The following PPP2R3B variants were observed in gnomAD, a reference collection of about 807,000 sequenced individuals.
PPP2R3B encodes the protein protein phosphatase 2 regulatory subunit B''beta.
Under a neutral mutation model 72.9 loss-of-function variants are expected in PPP2R3B, and 68 were observed. The observed-to-expected ratio is 0.93, with a 90% CI of 0.77 to 1.14. The LOEUF (loss-of-function observed/expected upper bound fraction) is 1.14, where lower values mean the gene tolerates loss of function less well. PPP2R3B is among the 50% of genes most tolerant of loss of function. The probability of loss-of-function intolerance (pLI) is 0.00; values close to 1 mark genes in which losing one functional copy is unlikely to be tolerated. For missense variants in PPP2R3B, 1,018 were observed against 842.0 expected (o/e 1.21, Z -2.59); for synonymous variants, 466 against 375.8 (o/e 1.24, Z -2.78).
At chrX:342,298 AGTGAGACCTCAGCAACGGGAGGCG>A (rs2071098489) in intron 7 of PPP2R3B, 2 of 339,514 alleles carry the variant, frequency 5.9e-6, no homozygotes, top group Non-Finnish European at 1.1e-5. Flanking sequence ...GGGAGACGGG[AGTGAGACCTCAGCAACGGGAGGCG>A]GGAGTGAGAC....
intron 1 of PPP2R3B, among the ~76,000 whole-genome samples, chrX:373,220 C>T (rs1324503358): frequency 6.6e-6 from 1 of 152,212 alleles, no homozygotes; most frequent in East Asian, 1.9e-4. Context: ...CTTGGTTGAT[C>T]ACAGCAAGGC....
intron 1 of PPP2R3B, among the ~76,000 whole-genome samples, chrX:374,997 T>C (rs1603127853): frequency 1.3e-5 from 2 of 152,262 alleles, no homozygotes; most frequent in South Asian, 4.1e-4. Context: ...TCTGCAGCCA[T>C]CTCAGACTGG....
chrX:364,175 C>G (rs896443795), intron 1 of PPP2R3B, among the ~76,000 whole-genome samples: 1 of 152,216 alleles, frequency 6.6e-6, no homozygotes, highest in Non-Finnish European at 1.5e-5. Context: ...GGGGAAGCTC[C>G]CAGAACGCGT....
intron 1 of PPP2R3B, among the ~76,000 whole-genome samples, chrX:364,222 C>G (rs765049223): frequency 5.9e-5 from 9 of 152,310 alleles, no homozygotes; most frequent in African/African-American, 1.2e-4. Context: ...AAGTAAATCC[C>G]CAGCGCGCCT....
intron 8 of PPP2R3B, 39 bp downstream of exon 8, chrX:341,844 G>A (rs753401814): frequency 1.4e-5 from 23 of 1,609,346 alleles, no homozygotes; most frequent in African/African-American, 2.7e-5. Context: ...GGTCCTCGCA[G>A]GGGCAATGGC....
chrX:383,466 G>A (rs376209299), intron 1 of PPP2R3B, among the ~76,000 whole-genome samples: 1 of 152,226 alleles, frequency 6.6e-6, no homozygotes, highest in East Asian at 1.9e-4. Context: ...CCAGCCATAC[G>A]TGTTTCTATA....
intron 1 of PPP2R3B, among the ~76,000 whole-genome samples, chrX:361,798 C>A (rs2071547301): frequency 6.6e-6 from 1 of 152,178 alleles, no homozygotes; most frequent in African/African-American, 2.4e-5. Context: ...ACCATGCTGC[C>A]ATGGACCCCA....
At chrX:364,524 A>G (rs1365798888) in intron 1 of PPP2R3B, among the ~76,000 whole-genome samples, 1 of 146,050 alleles carries the variant, frequency 6.8e-6, no homozygotes, top group Non-Finnish European at 1.5e-5. Flanking sequence ...AAAAAAACAA[A>G]AAAAAAAAAA....
chrX:356,079 G>A (rs2071427953), intron 2 of PPP2R3B, among the ~76,000 whole-genome samples: 1 of 152,232 alleles, frequency 6.6e-6, no homozygotes, highest in South Asian at 2.1e-4. Context: ...AGGGAAATGA[G>A]GAGTGCAGCC....
At chrX:363,285 C>A (rs1239422358) in intron 1 of PPP2R3B, among the ~76,000 whole-genome samples, 3 of 151,220 alleles carry the variant, frequency 2.0e-5, no homozygotes, top group Non-Finnish European at 2.9e-5. Flanking sequence ...CCCGAGCCCA[C>A]GATCCCGCAG....
intron 6 of PPP2R3B, 86 bp from the exon 7 acceptor site, chrX:345,758 T>A: frequency 3.8e-6 from 2 of 527,510 alleles, no homozygotes; most frequent in Non-Finnish European, 2.8e-6. Context: ...CAGGGAAGGC[T>A]GGGAGGGTCG....
intron 4 of PPP2R3B, among the ~76,000 whole-genome samples, 192 bp downstream of exon 4, chrX:347,042 C>T (rs1312733409): frequency 4.7e-5 from 7 of 148,454 alleles, no homozygotes; most frequent in Admixed American, 1.3e-4. Flanking sequence ...GGTGTAGACG[C>T]GGACCCTCCC....
intron 1 of PPP2R3B, among the ~76,000 whole-genome samples, chrX:370,035 C>T (rs1381171181): frequency 6.6e-6 from 1 of 152,182 alleles, no homozygotes; most frequent in East Asian, 1.9e-4. Context: ...TCTTCTCGGC[C>T]CAGCACTTGA....
At chrX:368,911 AC>A (rs1199174840) in intron 1 of PPP2R3B, among the ~76,000 whole-genome samples, 1 of 152,158 alleles carries the variant, frequency 6.6e-6, no homozygotes, top group Non-Finnish European at 1.5e-5. Flanking sequence ...AGCCGGGACC[AC>A]CCACCATGGG....
At position 386,432 on chromosome X, in the gene PPP2R3B, G is replaced by A. The variant is rs762729443; in HGVS notation, c.260C>T (p.Ala87Val). The change falls in exon 1 of 13, where the codon GCC (alanine) becomes GTC (valine). Residue 87 changes from alanine (A) to valine (V), a missense_variant. Transcript: ENST00000390665. ...GGGCGCGTTCCTGGGGCTGGAGGCG[G>A]CGCCCAGGGGCAGCGCAGGGCCCGG... ...PGPGPALPLG[A>V]ASSPRNAPHV... The A allele has an allele frequency of 4.6e-6, 6 of 1,317,820 alleles. No individual in the cohort carries two copies. In the East Asian group the frequency reaches 1.4e-4, roughly 31 times the overall value. The allele number at this position is 1,317,820 out of a possible 1,614,324, so 81.6% of individuals were successfully genotyped here.
chrX:334,285 C>T lies in PPP2R3B; in HGVS notation c.*82G>A. 1.5e-6 allele frequency: 2 copies of T among 1,369,962 alleles called. No individual in the cohort carries two copies. Among genetic ancestry groups the T allele is most frequent in the Admixed American group, 2.9e-5 (1 of 34,142 alleles). The allele number at this position is 1,369,962 out of a possible 1,614,324, so 84.9% of individuals were successfully genotyped here. On this transcript the variant is annotated 3_prime_UTR_variant, in exon 13 of 13. Transcript: ENST00000390665. ...ATTCCGTACAAACGCACTCATTTTC[C>T]ACAACAGTTTTTACACGAGCCGCGG...
At chrX:348,085 G>A (rs1313924415) in intron 2 of PPP2R3B, among the ~76,000 whole-genome samples, 3 of 152,136 alleles carry the variant, frequency 2.0e-5, no homozygotes, top group Non-Finnish European at 4.4e-5. Flanking sequence ...TGGAATGTGT[G>A]GGACGCACCT....
At chrX:375,842 G>A (rs1418074150) in intron 1 of PPP2R3B, among the ~76,000 whole-genome samples, 2 of 152,174 alleles carry the variant, frequency 1.3e-5, no homozygotes, top group Non-Finnish European at 2.9e-5. Flanking sequence ...GTCCTGCCAC[G>A]GCGGGTGACA....
chrX:347,574 C>G lies in PPP2R3B; in HGVS notation c.614+16G>C. ...CCGCCCTCCCGACACAGCCCCCTGC[C>G]CAGCCCAGGACTCACTTTCTCCACA... On this transcript the variant is annotated intron_variant, in intron 3 of 12. Coordinates refer to ENST00000390665, the MANE Select transcript of PPP2R3B (RefSeq NM_013239.5). 1.9e-6 allele frequency: 3 copies of G among 1,563,564 alleles called. No homozygotes were observed. The highest frequency in any genetic ancestry group is 2.6e-6 in the Non-Finnish European group (3 of 1,153,980).
Sources: allele counts gnomAD v4.1 joint callset (sites outside exome capture counted in the v4.1 genomes callset), GRCh38; gene constraint gnomAD v4.1.1; transcripts MANE v1.5; gene names NCBI Gene and HGNC (gene_info 2026-07-23, HGNC 2026-07-21).